Variants in NEBL observed in about 807,000 individuals in gnomAD.
The protein encoded by NEBL is nebulette, also known as LIM and SH3 protein 2.
A neutral mutation model predicts 140.2 loss-of-function variants in NEBL; 122 were observed. That is an observed-to-expected ratio of 0.87 (90% CI 0.75 to 1.01). The LOEUF (loss-of-function observed/expected upper bound fraction) is 1.01, where lower values mean the gene tolerates loss of function less well. Among genes scored for constraint, NEBL ranks in the 50% least tolerant of loss-of-function variants. The pLI is 0.00. For missense variants in NEBL, 1,365 were observed against 1,231.3 expected, an observed-to-expected ratio of 1.11 and a Z score of -1.62; for synonymous variants, 436 against 398.9, an observed-to-expected ratio of 1.09 and a Z score of -1.11.
chr10:21,182,409 T>A (rs1186604903), intron 3 of NEBL, among the ~76,000 whole-genome samples: 1 of 152,190 alleles, frequency 6.6e-6, no homozygotes, highest in African/African-American at 2.4e-5. Flanking sequence ...CCAGGAGTTC[T>A]AGGCTGCAAT....
chr10:21,165,343 C>G (rs966427672), intron 2 of NEBL, among the ~76,000 whole-genome samples: 4 of 152,156 alleles, frequency 2.6e-5, no homozygotes, highest in Non-Finnish European at 5.9e-5. Flanking sequence ...GTGAGACTAT[C>G]CCAACAGCAG....
chr10:21,090,481 T>C (rs532684126), intron 2 of NEBL, among the ~76,000 whole-genome samples: 2 of 152,344 alleles, frequency 1.3e-5, no homozygotes, highest in African/African-American at 4.8e-5. Flanking sequence ...GTAGGTTATA[T>C]GAAAACACTT....
At position 21,131,836 on chromosome 10, in the gene NEBL, C is replaced by T. The variant is rs140933195; in HGVS notation, c.164+40547G>A. On this transcript the variant is annotated intron_variant, in intron 2 of 6. Transcript: ENST00000417816. ...TTGGCAAGGAGCTGGGTCCCAGTGCCCTTGGGTGCCCAAAGTGAAATTGGT... is the reference window on the plus strand; with the variant it reads ...TTGGCAAGGAGCTGGGTCCCAGTGCTCTTGGGTGCCCAAAGTGAAATTGGT... Among the ~76,000 whole-genome samples, 3 of 152,214 alleles carry T rather than the reference C, an allele frequency of 2.0e-5. No homozygotes were observed. The East Asian group carries it at 5.8e-4, about 29-fold the overall frequency.
intron 12 of NEBL, among the ~76,000 whole-genome samples, chr10:20,843,222 A>C (rs1263501169): frequency 6.6e-6 from 1 of 152,040 alleles, no homozygotes; most frequent in Non-Finnish European, 1.5e-5. Flanking sequence ...AGGTGTCTGC[A>C]AGCCGGTAAG....
chr10:20,902,213 C>T (rs148910799), upstream of NEBL, among the ~76,000 whole-genome samples: 2,909 of 152,020 alleles, frequency 0.019, 93 homozygotes, highest in African/African-American at 0.066. Flanking sequence ...ATCATCCTGG[C>T]TAACACTGTG....
intron 2 of NEBL, among the ~76,000 whole-genome samples, chr10:21,069,523 G>T (rs1380188824): frequency 6.6e-6 from 1 of 152,188 alleles, no homozygotes; most frequent in Non-Finnish European, 1.5e-5. Flanking sequence ...TCACTCTCCT[G>T]CTCCCTGAAT....
At chr10:20,824,334 A>G (rs1319876216) in intron 18 of NEBL, among the ~76,000 whole-genome samples, 1 of 152,204 alleles carries the variant, frequency 6.6e-6, no homozygotes, top group East Asian at 1.9e-4. Context: ...GACTGTCATA[A>G]AGAAACAGTA....
At chr10:21,102,977 C>CA (rs1837544400) in intron 2 of NEBL, among the ~76,000 whole-genome samples, 1 of 121,516 alleles carries the variant, frequency 8.2e-6, no homozygotes, top group African/African-American at 3.1e-5. Context: ...TCTCCCTCCC[C>CA]CCACCCCACT....
At chr10:21,020,719 A>G (rs1252560751) in intron 2 of NEBL, among the ~76,000 whole-genome samples, 1 of 151,974 alleles carries the variant, frequency 6.6e-6, no homozygotes, top group Non-Finnish European at 1.5e-5. Flanking sequence ...GCCTCCCTCC[A>G]TCTTGAAATG....
intron 2 of NEBL, among the ~76,000 whole-genome samples, chr10:21,063,848 C>T (rs1208565259): frequency 6.6e-6 from 1 of 151,514 alleles, no homozygotes; most frequent in Non-Finnish European, 1.5e-5. Context: ...CCAGCCTGGG[C>T]GACAGAGCAA....
At chr10:21,195,262 A>G (rs1564540724) in intron 3 of NEBL, among the ~76,000 whole-genome samples, 1 of 152,204 alleles carries the variant, frequency 6.6e-6, no homozygotes, top group Non-Finnish European at 1.5e-5. Context: ...ATCACTCAAC[A>G]AGACTAAACC....
At chr10:21,070,705 C>A (rs1384980794) in intron 2 of NEBL, among the ~76,000 whole-genome samples, 1 of 152,192 alleles carries the variant, frequency 6.6e-6, no homozygotes, top group Non-Finnish European at 1.5e-5. Context: ...ACCTCAAACA[C>A]AATTATTCAT....
chr10:21,165,804 T>A (rs887771073), intron 2 of NEBL, among the ~76,000 whole-genome samples: 2 of 152,062 alleles, frequency 1.3e-5, no homozygotes, highest in African/African-American at 2.4e-5. Flanking sequence ...TGGGGTCGGG[T>A]GTGATGGGCA....
chr10:21,194,885 C>G (rs115360444), intron 3 of NEBL, among the ~76,000 whole-genome samples: 1 of 149,716 alleles, frequency 6.7e-6, no homozygotes, highest in Non-Finnish European at 1.5e-5. Flanking sequence ...TGACATGACT[C>G]ACTTCAGGGA....
In NEBL at chr10:20,815,650, T is replaced by C; in HGVS notation, c.2216A>G (p.Lys739Arg). The change falls in exon 22 of 28, where the codon AAG becomes AGG. Residue 739 changes from lysine to arginine, a missense_variant. Physicochemically the swap from Lys to Arg is conservative, Grantham distance 26 (BLOSUM62 2). Around this residue, in one of 2 missense-constraint regions of NEBL, gnomAD observed 1,323 missense variants for 1,154.8 expected, o/e 1.15. Transcript: ENST00000377122. ...CGAGCTAATATTTTCTTGATTCTTC[T>C]TCACTCTTTCCATTTCAGGAGTTAC... Reference protein sequence around the residue: ...LSVTPEMERVKKNQENISSVK... With the variant: ...LSVTPEMERVRKNQENISSVK... 1 of 1,612,014 alleles carries C rather than the reference T, an allele frequency of 6.2e-7. No individual in the cohort carries two copies. The highest frequency in any genetic ancestry group is 1.1e-5 in the South Asian group (1 of 91,044).
intron 2 of NEBL, among the ~76,000 whole-genome samples, chr10:21,060,613 CCTGGAACA>C (rs1412474493): frequency 1.3e-5 from 2 of 151,866 alleles, no homozygotes; most frequent in African/African-American, 4.8e-5. Context: ...TTAAAAATCC[CCTGGAACA>C]CTGGTTCCTC....
At chr10:21,193,400 T>C (rs922867936) in intron 3 of NEBL, among the ~76,000 whole-genome samples, 2 of 152,156 alleles carry the variant, frequency 1.3e-5, no homozygotes, top group Admixed American at 1.3e-4. Context: ...GCAGGAGTGA[T>C]GAGTTGGGGA....
chr10:20,942,527 G>A (rs1172104393), intron 4 of NEBL, among the ~76,000 whole-genome samples: 2 of 152,172 alleles, frequency 1.3e-5, no homozygotes, highest in Non-Finnish European at 2.9e-5. Context: ...ACATAGGCAT[G>A]GGCAAGGACT....
chr10:20,806,481 C>T (rs1266334989), intron 26 of NEBL, among the ~76,000 whole-genome samples: 5 of 152,210 alleles, frequency 3.3e-5, no homozygotes, highest in African/African-American at 1.2e-4. Context: ...CGTTAACGTC[C>T]ATCAGCATTC....
Sources: gnomAD v4.1 joint callset for allele counts (sites outside exome capture counted in the v4.1 genomes callset) on GRCh38, gnomAD v4.1.1 for gene constraint, gnomAD v4.1.1 regional missense constraint, MANE v1.5 for transcripts, NCBI Gene and HGNC (gene_info 2026-07-23, HGNC 2026-07-21) for gene names.